Variants in MACROD2 observed in about 807,000 individuals in gnomAD.
MACROD2 encodes the protein mono-ADP ribosylhydrolase 2, also known as ADP-ribose glycohydrolase MACROD2.
In MACROD2, 36 loss-of-function variants were observed where a neutral mutation model predicts 70.4. The ratio of observed to expected loss-of-function variants is 0.51; its 90% CI spans 0.39 to 0.68. The LOEUF (loss-of-function observed/expected upper bound fraction) is 0.68, where lower values mean the gene tolerates loss of function less well. Among genes scored for constraint, MACROD2 ranks in the 30% least tolerant of loss-of-function variants. The pLI is 0.00. For missense variants in MACROD2, 496 were observed against 538.4 expected, an observed-to-expected ratio of 0.92 and a Z score of 0.78; for synonymous variants, 172 against 178.8, an observed-to-expected ratio of 0.96 and a Z score of 0.30.
At chr20:15,073,048 T>C (rs1178310554) in intron 5 of MACROD2, among the ~76,000 whole-genome samples, 1 of 152,120 alleles carries the variant, frequency 6.6e-6, no homozygotes, top group Non-Finnish European at 1.5e-5. Context: ...GATGATAATA[T>C]CAAGAAGGCC....
Position 14,869,032 on chromosome 20 carries a change from G to A in MACROD2, c.418+184073G>A, listed in dbSNP as rs996855300. ...AGGAACTCCAAAAGATCACAACAGA[G>A]CACTAAAAGGTCACAACAGAGCACC... On this transcript the variant is annotated intron_variant, in intron 5 of 17. Coordinates refer to ENST00000684519, the MANE Select transcript of MACROD2 (RefSeq NM_001351661.2). Among the ~76,000 whole-genome samples the A allele has an allele frequency of 1.1e-4, 17 of 152,052 alleles. 1 individual carries two copies. The highest frequency in any genetic ancestry group is 2.0e-4 in the Admixed American group (3 of 15,262).
At chr20:15,909,585 G>A (rs1433002279) in intron 10 of MACROD2, among the ~76,000 whole-genome samples, 2 of 147,512 alleles carry the variant, frequency 1.4e-5, no homozygotes, top group Admixed American at 6.8e-5. Flanking sequence ...GTGCAGTGGC[G>A]GGATCTCGGC....
chr20:14,892,031 A>G (rs905314619), intron 5 of MACROD2, among the ~76,000 whole-genome samples: 2 of 152,330 alleles, frequency 1.3e-5, no homozygotes, highest in South Asian at 2.1e-4. Context: ...AGAGTATTCT[A>G]TCATGTGACT....
At chr20:15,770,360 G>A (rs550581499) in intron 8 of MACROD2, among the ~76,000 whole-genome samples, 69 of 152,124 alleles carry the variant, frequency 4.5e-4, no homozygotes, top group African/African-American at 1.6e-3. Flanking sequence ...CATAAAGATC[G>A]TTGAATCAGG....
chr20:15,501,359 A>G (rs2047362648), intron 8 of MACROD2, among the ~76,000 whole-genome samples: 1 of 152,238 alleles, frequency 6.6e-6, no homozygotes, highest in South Asian at 2.1e-4. Context: ...GGAAGTTTTC[A>G]TGCATCATCT....
chr20:14,816,551 T>C, intron 5 of MACROD2, among the ~76,000 whole-genome samples: 1 of 152,078 alleles, frequency 6.6e-6, no homozygotes, highest in East Asian at 1.9e-4. Flanking sequence ...TCACATTTCC[T>C]CAATTTCTAA....
intron 2 of MACROD2, among the ~76,000 whole-genome samples, chr20:14,049,183 AAAAAAAC>A (rs1481217612): frequency 6.8e-6 from 1 of 146,118 alleles, no homozygotes; most frequent in Non-Finnish European, 1.5e-5. Context: ...ATAAAAAAAA[AAAAAAAC>A]AAAAAAACAA....
chr20:14,001,310 T>C (rs768480834), intron 1 of MACROD2, among the ~76,000 whole-genome samples: 10 of 152,212 alleles, frequency 6.6e-5, no homozygotes, highest in Non-Finnish European at 1.2e-4. Context: ...TACCTGGCCA[T>C]AGTGAGTTCT....
intron 4 of MACROD2, among the ~76,000 whole-genome samples, chr20:14,585,471 T>A (rs1296520935): frequency 1.3e-5 from 2 of 152,146 alleles, no homozygotes; most frequent in Non-Finnish European, 2.9e-5. Flanking sequence ...GGTGCTTTAG[T>A]GCAATGACTT....
At chr20:14,630,951 GA>G (rs1419606692) in intron 4 of MACROD2, among the ~76,000 whole-genome samples, 1 of 151,988 alleles carries the variant, frequency 6.6e-6, no homozygotes, top group Non-Finnish European at 1.5e-5. Context: ...TTCACTTACA[GA>G]ATTATTTTTG....
At chr20:15,100,067 T>G (rs2075860548) in intron 5 of MACROD2, among the ~76,000 whole-genome samples, 2 of 152,090 alleles carry the variant, frequency 1.3e-5, no homozygotes, top group South Asian at 4.1e-4. Context: ...AACTTGCAAG[T>G]GATGACATTT....
chr20:15,532,855 A>G (rs1357119240), intron 8 of MACROD2, among the ~76,000 whole-genome samples: 3 of 152,062 alleles, frequency 2.0e-5, no homozygotes, highest in Non-Finnish European at 2.9e-5. Context: ...TCTGGTTCTC[A>G]TCTGTCAATT....
intron 3 of MACROD2, among the ~76,000 whole-genome samples, chr20:14,219,718 G>T (rs773699639): frequency 1.3e-5 from 2 of 152,194 alleles, no homozygotes; most frequent in Non-Finnish European, 2.9e-5. Flanking sequence ...CCCACAGGGT[G>T]TTCCCTTGAT....
At position 16,044,650 on chromosome 20, in the gene MACROD2, C is replaced by G. The variant is rs758753395; in HGVS notation, c.1300+11C>G. 2 of 1,606,582 alleles carry G rather than the reference C, an allele frequency of 1.2e-6. No individual in the cohort carries two copies. The highest frequency in any genetic ancestry group is 1.7e-6 in the Non-Finnish European group (2 of 1,173,920). ...AAGATCAACTAATAGGTAAGATGCCCCTTGTGGTGAGATTTTCAATGATCA... is the reference window on the plus strand; with the variant it reads ...AAGATCAACTAATAGGTAAGATGCCGCTTGTGGTGAGATTTTCAATGATCA... On this transcript the variant is annotated intron_variant, in intron 17 of 17. Coordinates refer to ENST00000684519, the MANE Select transcript of MACROD2 (RefSeq NM_001351661.2).
intron 3 of MACROD2, among the ~76,000 whole-genome samples, chr20:14,220,556 ATC>A (rs2081663012): frequency 1.3e-5 from 2 of 152,128 alleles, no homozygotes; most frequent in South Asian, 4.2e-4. Flanking sequence ...GAGGCTTCTC[ATC>A]TCGTTCAAAT....
intron 8 of MACROD2, among the ~76,000 whole-genome samples, chr20:15,759,681 A>G (rs1049625326): frequency 1.3e-5 from 2 of 152,224 alleles, no homozygotes; most frequent in African/African-American, 4.8e-5. Flanking sequence ...TTGATGGCTC[A>G]GTCTTGCTTT....
At chr20:14,842,151 C>G (rs1043770623) in intron 5 of MACROD2, among the ~76,000 whole-genome samples, 2 of 152,030 alleles carry the variant, frequency 1.3e-5, no homozygotes, top group African/African-American at 4.8e-5. Flanking sequence ...CGAGACCGAC[C>G]GTTCTCTAGA....
chr20:16,038,833 C>T (rs976982725), intron 15 of MACROD2, among the ~76,000 whole-genome samples: 2 of 151,928 alleles, frequency 1.3e-5, no homozygotes, highest in Non-Finnish European at 2.9e-5. Flanking sequence ...TAATCTTCCT[C>T]CAGAGAAGAT....
intron 6 of MACROD2, among the ~76,000 whole-genome samples, chr20:15,362,475 A>G (rs1193802942): frequency 6.6e-6 from 1 of 152,000 alleles, no homozygotes; most frequent in African/African-American, 2.4e-5. Context: ...CTCTATATTC[A>G]GTTTTTTGAG....
Sources: gnomAD v4.1 joint callset for allele counts (sites outside exome capture counted in the v4.1 genomes callset) on GRCh38, gnomAD v4.1.1 for gene constraint, MANE v1.5 for transcripts, NCBI Gene and HGNC (gene_info 2026-07-23, HGNC 2026-07-21) for gene names.